FHIT: variants seen among roughly 807,000 people sequenced by gnomAD.
The protein encoded by FHIT is bis(5'-adenosyl)-triphosphatase.
FHIT carries 19 observed loss-of-function variants against 17.9 expected under a neutral mutation model. That is an observed-to-expected ratio of 1.06 (90% CI 0.74 to 1.56). The LOEUF (loss-of-function observed/expected upper bound fraction) is 1.56. Among genes scored for constraint, FHIT ranks in the 40% most tolerant of loss-of-function variants. The pLI is 0.00. For missense variants in FHIT, 248 were observed against 189.2 expected (o/e 1.31, Z -1.82); for synonymous variants, 81 against 69.7 (o/e 1.16, Z -0.81).
At chr3:61,072,655 G>A (rs775775908) in intron 2 of FHIT, among the ~76,000 whole-genome samples, 1 of 152,028 alleles carries the variant, frequency 6.6e-6, no homozygotes, top group Non-Finnish European at 1.5e-5. Context: ...TGTTGTTGCT[G>A]AATTCTGGCA....
At chr3:59,960,696 TCTTC>T (rs1478410641) in intron 7 of FHIT, among the ~76,000 whole-genome samples, 1 of 152,226 alleles carries the variant, frequency 6.6e-6, no homozygotes, top group Non-Finnish European at 1.5e-5. Flanking sequence ...CTAATACACT[TCTTC>T]CTTTTGTTAT....
intron 5 of FHIT, among the ~76,000 whole-genome samples, chr3:60,358,145 A>C (rs1699753028): frequency 6.6e-6 from 1 of 152,224 alleles, no homozygotes; most frequent in South Asian, 2.1e-4. Context: ...GGCAAAGTTC[A>C]CTTCACTTAG....
chr3:60,857,288 C>A (rs1472598224), intron 3 of FHIT, among the ~76,000 whole-genome samples: 4 of 152,106 alleles, frequency 2.6e-5, no homozygotes, highest in Non-Finnish European at 5.9e-5. Context: ...ATACCTTTTA[C>A]TATTTTACTT....
intron 5 of FHIT, among the ~76,000 whole-genome samples, chr3:60,344,133 A>G (rs1195169660): frequency 6.6e-6 from 1 of 152,198 alleles, no homozygotes; most frequent in Non-Finnish European, 1.5e-5. Flanking sequence ...ATTCCTTTAA[A>G]AAGTAATTAA....
chr3:60,305,274 G>A (rs1364901473), intron 5 of FHIT, among the ~76,000 whole-genome samples: 2 of 152,034 alleles, frequency 1.3e-5, no homozygotes, highest in Non-Finnish European at 2.9e-5. Context: ...ATCATTTCCA[G>A]TAAAGTGAAT....
intron 7 of FHIT, among the ~76,000 whole-genome samples, chr3:59,955,984 T>C (rs1174843841): frequency 3.3e-5 from 5 of 152,206 alleles, no homozygotes; most frequent in South Asian, 2.1e-4. Context: ...CTCTTGTTCA[T>C]AGAATAAAGG....
chr3:61,022,786 A>G (rs984862971), intron 3 of FHIT, among the ~76,000 whole-genome samples: 1 of 152,226 alleles, frequency 6.6e-6, no homozygotes, highest in Non-Finnish European at 1.5e-5. Context: ...CTTCAATAAA[A>G]TTCAACACTC....
chr3:60,909,125 C>T (rs1706583863), intron 3 of FHIT, among the ~76,000 whole-genome samples: 2 of 152,080 alleles, frequency 1.3e-5, no homozygotes, highest in Admixed American at 1.3e-4. Flanking sequence ...AATCCCAGCA[C>T]TTTGGGAGGC....
intron 1 of FHIT, among the ~76,000 whole-genome samples, chr3:61,242,050 C>T (rs967517939): frequency 3.3e-5 from 5 of 152,038 alleles, no homozygotes; most frequent in South Asian, 2.1e-4. Flanking sequence ...AATGAAATTA[C>T]GGTGCTGGGT....
intron 4 of FHIT, among the ~76,000 whole-genome samples, chr3:60,571,178 A>G (rs758197861): frequency 2.6e-5 from 4 of 151,810 alleles, no homozygotes; most frequent in Admixed American, 2.0e-4. Flanking sequence ...TCTACTAAAA[A>G]TACAAAAATT....
intron 5 of FHIT, among the ~76,000 whole-genome samples, chr3:60,031,185 G>A (rs1700983839): frequency 6.6e-6 from 1 of 152,176 alleles, no homozygotes; most frequent in Non-Finnish European, 1.5e-5. Flanking sequence ...GATTGTGAAT[G>A]CAAGTCTGGT....
intron 8 of FHIT, among the ~76,000 whole-genome samples, chr3:59,890,376 C>G (rs535691677): frequency 3.9e-4 from 60 of 152,108 alleles, no homozygotes; most frequent in African/African-American, 1.4e-3. Flanking sequence ...TTCAGATTGC[C>G]TAGAGGGCCA....
intron 3 of FHIT, among the ~76,000 whole-genome samples, chr3:60,866,718 TG>T (rs1467223222): frequency 1.3e-5 from 2 of 152,238 alleles, no homozygotes; most frequent in Non-Finnish European, 2.9e-5. Context: ...GCTTTGCCTA[TG>T]GGCAAGTCTA....
At chr3:60,102,109 C>T (rs1259032452) in intron 5 of FHIT, among the ~76,000 whole-genome samples, 1 of 152,160 alleles carries the variant, frequency 6.6e-6, no homozygotes, top group Admixed American at 6.5e-5. Context: ...ATGGCTAAAT[C>T]GTACCTTTAT....
intron 4 of FHIT, among the ~76,000 whole-genome samples, chr3:60,640,003 A>G (rs1553684924): frequency 6.6e-6 from 1 of 152,238 alleles, no homozygotes; most frequent in African/African-American, 2.4e-5. Context: ...CCAAGTCATT[A>G]TGTTCACTAA....
intron 5 of FHIT, among the ~76,000 whole-genome samples, chr3:60,258,591 T>G (rs1706138477): frequency 6.6e-6 from 1 of 152,092 alleles, no homozygotes; most frequent in Non-Finnish European, 1.5e-5. Flanking sequence ...AAAAATATAT[T>G]TTCCTCACTC....
chr3:59,885,695 C>A (rs77129518), intron 8 of FHIT, among the ~76,000 whole-genome samples: 1,641 of 152,190 alleles, frequency 0.011, 37 homozygotes, highest in African/African-American at 0.037. Flanking sequence ...GGGGTGTCAC[C>A]AACAGGTGGG....
chr3:60,532,291 G>A (rs1012457270), intron 5 of FHIT, among the ~76,000 whole-genome samples: 65 of 152,168 alleles, frequency 4.3e-4, no homozygotes, highest in African/African-American at 1.5e-3. Context: ...TGCTGAAGAC[G>A]ACAGAACAAA....
chr3:60,450,490 G>C (rs542369369), intron 5 of FHIT, among the ~76,000 whole-genome samples: 1 of 152,176 alleles, frequency 6.6e-6, no homozygotes, highest in African/African-American at 2.4e-5. Context: ...AAGCAGAAAA[G>C]AATAAACAGA....
Sources: allele counts gnomAD v4.1 joint callset (sites outside exome capture counted in the v4.1 genomes callset), GRCh38; gene constraint gnomAD v4.1.1; transcripts MANE v1.5; gene names NCBI Gene and HGNC (gene_info 2026-07-23, HGNC 2026-07-21).